Variants in ZFP92 observed in about 807,000 individuals in gnomAD.
ZFP92 encodes the protein zinc finger protein 92 homolog.
A neutral mutation model predicts 7.6 loss-of-function variants in ZFP92; 2 were observed. The ratio of observed to expected loss-of-function variants is 0.26; its 90% CI spans 0.11 to 0.83. ZFP92 has a LOEUF of 0.83. Among genes scored for constraint, ZFP92 ranks in the 40% least tolerant of loss-of-function variants. ZFP92 has a pLI of 0.65. For missense variants in ZFP92, 324 were observed against 408.3 expected (o/e 0.79, Z 1.78); for synonymous variants, 226 against 183.6 (o/e 1.23, Z -1.87).
At chrX:153,418,502 C>T (rs2088973281) in intron 3 of ZFP92, 147 bp downstream of exon 3, 1 of 970,230 alleles carries the variant, frequency 1.0e-6, no homozygotes, top group Admixed American at 3.3e-5. Context: ...GGCTTCCTGC[C>T]TCTGTCGGCT....
intron 2 of ZFP92, among the ~76,000 whole-genome samples, chrX:153,417,519 T>C (rs2088962699): frequency 8.9e-6 from 1 of 111,785 alleles, no homozygotes; most frequent in Admixed American, 9.5e-5. Context: ...TCCTTAAGAA[T>C]CCCGACCTGA....
chrX:153,417,253 C>T (rs547660221), intron 2 of ZFP92, among the ~76,000 whole-genome samples: 2 of 112,443 alleles, frequency 1.8e-5, no homozygotes, highest in African/African-American at 3.2e-5. Context: ...CAGGGTCCCA[C>T]GTGGTGTCAT....
intron 4 of ZFP92, among the ~76,000 whole-genome samples, chrX:153,419,508 G>A: frequency 8.9e-6 from 1 of 112,789 alleles, no homozygotes; most frequent in South Asian, 3.6e-4. Context: ...AGAGATGCAT[G>A]CGTGAAACAG....
At position 153,421,522 on chromosome X, in the gene ZFP92, G is replaced by A. The variant is rs2089003804; in HGVS notation, c.1145G>A (p.Arg382Gln). The change falls in exon 6 of 6, where the codon CGG (arginine) becomes CAG (glutamine). Residue 382 changes from arginine to glutamine, a missense_variant. Arg to Gln is a conservative substitution (Grantham distance 43, BLOSUM62 1). Transcript: ENST00000338647. ...CGCCCTGCGAAGGCGGAGACGGCGC[G>A]GAGGCTAGCGGGCCCTGGGAGCACC... is the stretch of plus-strand genomic sequence containing the variant. ...ARRPAKAETA[R>Q]RLAGPGSTGP... is the part of the protein sequence containing the mutation. 1.8e-6 allele frequency: 2 copies of A among 1,132,419 alleles called. No homozygotes were observed. Among genetic ancestry groups the A allele is most frequent in the Non-Finnish European group, 2.3e-6 (2 of 862,316 alleles). The allele number at this position is 1,132,419 out of a possible 1,213,427, so 93.3% of individuals were successfully genotyped here. A position where few individuals can be genotyped will look rare whatever the true frequency, so the allele number is the denominator to read the frequency against.
In ZFP92 at chrX:153,424,815, G is replaced by C. The variant is rs1335511625; in HGVS notation, c.*3187G>C. On this transcript the variant is annotated 3_prime_UTR_variant, in exon 6 of 6. Coordinates refer to ENST00000338647, the MANE Select transcript of ZFP92 (RefSeq NM_001136273.2). ...GGTTGCAAATAAGGAAGATGTATGAGTATTGGCCTGGAAATGAGCCCTCTA... is the reference window on the plus strand; with the variant it reads ...GGTTGCAAATAAGGAAGATGTATGACTATTGGCCTGGAAATGAGCCCTCTA... The C allele has an allele frequency of 2.7e-5, 3 of 112,935 alleles. 1 individual carries two copies. Among genetic ancestry groups the C allele is most frequent in the African/African-American group, 9.7e-5 (3 of 31,078 alleles). The allele number at this position is 112,935 out of a possible 1,213,427, so 9.3% of individuals were successfully genotyped here. A position where few individuals can be genotyped will look rare whatever the true frequency, so the allele number is the denominator to read the frequency against.
In ZFP92 at chrX:153,418,298, C is replaced by T; in HGVS notation, c.-18-7C>T. On this transcript the variant is annotated splice_region_variant and splice_polypyrimidine_tract_variant and intron_variant, in intron 2 of 5. Coordinates refer to ENST00000338647, the MANE Select transcript of ZFP92 (RefSeq NM_001136273.2). ...GGCTCACAGGGGGCTCTTTGCATTT[C>T]CCTTAGCTCCTCTGCGCCCTGGTGA... 8.6e-7 allele frequency: 1 copy of T among 1,167,607 alleles called. No homozygotes were observed.
chrX:153,418,320 G>C lies in ZFP92; in HGVS notation c.-3G>C, dbSNP rs1476577549. 1.1e-5 allele frequency: 13 copies of C among 1,165,842 alleles called. No individual in the cohort carries two copies. Among genetic ancestry groups the C allele is most frequent in the Admixed American group, 5.2e-5 (2 of 38,507 alleles). On this transcript the variant is annotated 5_prime_UTR_variant, in exon 3 of 6. Transcript: ENST00000338647. ...TTTCCCTTAGCTCCTCTGCGCCCTG[G>C]TGATGGCAGCCATTCTCCTGACCAC... is the stretch of plus-strand genomic sequence containing the variant.
chrX:153,420,468 A>G, intron 5 of ZFP92, 136 bp downstream of exon 5: 1 of 890,283 alleles, frequency 1.1e-6, no homozygotes, highest in Non-Finnish European at 1.5e-6. Context: ...CAGGTGTCAC[A>G]GCAGCCCCGC....
chrX:153,420,908 G>A lies in ZFP92; in HGVS notation c.531G>A (p.Glu177=). The change falls in exon 6 of 6, where the codon GAG becomes GAA. Residue 177 remains glutamate (E), a synonymous_variant. Transcript: ENST00000338647. ...AGCACCGCATCATCCACAGTGGCGA[G>A]AAGCCTTACGCGTGCCCCGAGTGCG... ...LIKHRIIHSG[E]KPYACPECGK... The A allele has an allele frequency of 8.4e-7, 1 of 1,189,009 alleles. No individual in the cohort carries two copies. The highest frequency in any genetic ancestry group is 1.1e-6 in the Non-Finnish European group (1 of 883,991).
rs181556615 is a variant in ZFP92, at chrX:153,419,059, G to A, written c.160+260G>A. On this transcript the variant is annotated intron_variant, in intron 4 of 5. Coordinates refer to ENST00000338647, the MANE Select transcript of ZFP92 (RefSeq NM_001136273.2). ...AGTTTCAGTACCAGTCTTATCTTGT[G>A]TATAAAATCGTGGATCGACTAAAGG... is the stretch of plus-strand genomic sequence containing the variant. Among the ~76,000 whole-genome samples, 173 of 112,776 alleles carry A rather than the reference G, an allele frequency of 1.5e-3. 1 individual carries two copies. Among genetic ancestry groups the A allele is most frequent in the Non-Finnish European group, 1.7e-3 (90 of 53,324 alleles).
intron 2 of ZFP92, among the ~76,000 whole-genome samples, chrX:153,414,951 G>T (rs1224759491): frequency 2.6e-5 from 3 of 113,610 alleles, no homozygotes; most frequent in African/African-American, 9.6e-5. Context: ...ACGAGAGAAG[G>T]CTGCCAGGCA....
rs1288588901 is a variant in ZFP92, at chrX:153,422,957, T to TACA, written c.*1332_*1334dup. 1.8e-5 allele frequency: 2 copies of TACA among 112,542 alleles called. No individual in the cohort carries two copies. Among genetic ancestry groups the TACA allele is most frequent in the African/African-American group, 3.2e-5 (1 of 30,964 alleles). The allele number at this position is 112,542 out of a possible 1,213,427, so 9.3% of individuals were successfully genotyped here. Reference sequence around the variant, plus strand: ...TGGCAAGCCTGGCCCCTCTTCTCCCTACAACGATGCAGTCCACCCCTCTTC... The same window carrying TACA: ...TGGCAAGCCTGGCCCCTCTTCTCCCTACAACAACGATGCAGTCCACCCCTCTTC... On this transcript the variant is annotated 3_prime_UTR_variant, in exon 6 of 6. Transcript: ENST00000338647.
At chrX:153,418,242 G>A in intron 2 of ZFP92, 63 bp from the exon 3 acceptor site, 1 of 1,124,878 alleles carries the variant, frequency 8.9e-7, no homozygotes, top group Non-Finnish European at 1.2e-6. Flanking sequence ...TCTTCAAGCA[G>A]GTCGCAGATT....
chrX:153,418,184 C>A, intron 2 of ZFP92, 121 bp from the exon 3 acceptor site: 2 of 794,689 alleles, frequency 2.5e-6, no homozygotes, highest in Non-Finnish European at 3.7e-6. Context: ...GGAGTGAGAA[C>A]ACCACAGGTG....
At position 153,423,136 on chromosome X, in the gene ZFP92, A is replaced by G. The variant is rs1198542236; in HGVS notation, c.*1508A>G. The G allele has an allele frequency of 8.9e-6, 1 of 112,004 alleles. No individual in the cohort carries two copies. The highest frequency in any genetic ancestry group is 3.2e-5 in the African/African-American group (1 of 30,797). 9.2% of individuals were successfully genotyped at this position (112,004 alleles called of 1,213,427 possible). A position where few individuals can be genotyped will look rare whatever the true frequency, so the allele number is the denominator to read the frequency against. On this transcript the variant is annotated 3_prime_UTR_variant, in exon 6 of 6. Transcript: ENST00000338647. ...CGCTGTCCCCAGAGCTGGGCTCAGGAGCTCTGCCCCTTGGTGCTCTCAGCC... is the reference window on the plus strand; with the variant it reads ...CGCTGTCCCCAGAGCTGGGCTCAGGGGCTCTGCCCCTTGGTGCTCTCAGCC...
Position 153,424,527 on chromosome X carries a change from G to A in ZFP92, c.*2899G>A, listed in dbSNP as rs1380024332. 5 of 112,094 alleles carry A rather than the reference G, an allele frequency of 4.5e-5. No homozygotes were observed. The highest frequency in any genetic ancestry group is 1.6e-4 in the African/African-American group (5 of 30,795). 9.2% of individuals were successfully genotyped at this position (112,094 alleles called of 1,213,427 possible). A position where few individuals can be genotyped will look rare whatever the true frequency, so the allele number is the denominator to read the frequency against. ...CTGTGTGGGGAACTGGGAGGGTATA[G>A]CCCAAGCTTGCTTTGTGATGGACAG... On this transcript the variant is annotated 3_prime_UTR_variant, in exon 6 of 6. Transcript: ENST00000338647.
Position 153,420,369 on chromosome X carries a change from T to G in ZFP92, c.265+37T>G, listed in dbSNP as rs12009770. 0.011 allele frequency: 12,048 copies of G among 1,083,820 alleles called. 848 individuals are homozygous for G. In the African/African-American group the frequency reaches 0.2, roughly 18 times the overall value. The allele number at this position is 1,083,820 out of a possible 1,213,427, so 89.3% of individuals were successfully genotyped here. On this transcript the variant is annotated intron_variant, in intron 5 of 5. Transcript: ENST00000338647. Reference sequence around the variant, plus strand: ...GTGCTCAACCAGCTCCCCATCGGGGTAAAAAGAAATAGCAGTGGCAAAGGG... The same window carrying G: ...GTGCTCAACCAGCTCCCCATCGGGGGAAAAAGAAATAGCAGTGGCAAAGGG...
intron 2 of ZFP92, among the ~76,000 whole-genome samples, chrX:153,412,249 C>T (rs946098670): frequency 8.9e-5 from 10 of 112,188 alleles, no homozygotes; most frequent in Non-Finnish European, 5.6e-5. Flanking sequence ...AAGGAGGAAG[C>T]GAAGGGCCGA....
chrX:153,419,311 A>C (rs1266140506), intron 4 of ZFP92, among the ~76,000 whole-genome samples: 1 of 112,580 alleles, frequency 8.9e-6, no homozygotes, highest in Non-Finnish European at 1.9e-5. Flanking sequence ...CTTGGAGCAC[A>C]CTGCTCTCCC....
Sources: gnomAD v4.1 joint callset for allele counts (sites outside exome capture counted in the v4.1 genomes callset) on GRCh38, gnomAD v4.1.1 for gene constraint, MANE v1.5 for transcripts, NCBI Gene and HGNC (gene_info 2026-07-23, HGNC 2026-07-21) for gene names.